Variants in SNRPN observed in about 807,000 individuals in gnomAD.
SNRPN encodes the protein small nuclear ribonucleoprotein polypeptide N.
Under a neutral mutation model 25.2 loss-of-function variants are expected in SNRPN, and 7 were observed. The observed-to-expected ratio is 0.28, with a 90% confidence interval of 0.16 to 0.52. SNRPN has a LOEUF of 0.52. Among genes scored for constraint, SNRPN ranks in the 20% least tolerant of loss-of-function variants. The pLI is 0.96. For synonymous variants in SNRPN, 124 were observed against 110.6 expected (o/e 1.12, Z -0.76); for missense variants, 196 against 322.5 (o/e 0.61, Z 3.00).
At position 24,905,003 on chromosome 15, in the gene SNRPN, C is replaced by T. The variant is rs539095623; in HGVS notation, c.-504-15008C>T. Among the ~76,000 whole-genome samples the T allele has an allele frequency of 2.3e-3, 337 of 148,282 alleles. 2 individuals carry two copies. Among genetic ancestry groups the T allele is most frequent in the Non-Finnish European group, 4.1e-3 (274 of 67,562 alleles). ...TGGCATGTGCCTGTAATCCTAGCTA[C>T]TTGGGAGGCTGAGGCAGGAGAATCG... On this transcript the variant is annotated intron_variant, in intron 2 of 11. Coordinates refer to the SNRPN transcript ENST00000400097.
chr15:24,867,178 A>G (rs1447623455), intron 1 of SNRPN, among the ~76,000 whole-genome samples: 1 of 152,036 alleles, frequency 6.6e-6, no homozygotes, highest in Non-Finnish European at 1.5e-5. Flanking sequence ...TGGTAGTTCT[A>G]TTTTTAATTT....
At chr15:24,870,916 T>A (rs192803312) in intron 1 of SNRPN, among the ~76,000 whole-genome samples, 173 of 151,908 alleles carry the variant, frequency 1.1e-3, no homozygotes, top group Non-Finnish European at 1.9e-3. Context: ...AGTCTCACTC[T>A]GTCACCCAGC....
At chr15:24,909,158 T>G (rs998511219) in intron 2 of SNRPN, 6 of 1,391,424 alleles carry the variant, frequency 4.3e-6, no homozygotes, top group Non-Finnish European at 5.1e-6. Flanking sequence ...TTGAGAGAAC[T>G]GTTTCTTGTA....
At chr15:24,918,572 GTATATATATAACATAATA>G (rs1566909271) in intron 2 of SNRPN, among the ~76,000 whole-genome samples, 1 of 81,644 alleles carries the variant, frequency 1.2e-5, no homozygotes. Context: ...TAATATATAT[GTATATATATAACATAATA>G]TATATGTATA....
At chr15:24,857,384 T>C (rs918991993) in intron 1 of SNRPN, among the ~76,000 whole-genome samples, 1 of 152,214 alleles carries the variant, frequency 6.6e-6, no homozygotes, top group African/African-American at 2.4e-5. Context: ...TATTTTTTTC[T>C]TACTATTTGA....
intron 5 of SNRPN, 107 bp downstream of exon 5, chr15:24,975,616 T>G (rs1260864039): frequency 4.6e-6 from 4 of 875,528 alleles, no homozygotes; most frequent in Middle Eastern, 3.5e-4. Flanking sequence ...TTAGGGAAAC[T>G]ATGGTAGAGC....
At chr15:24,903,762 G>A (rs142803543) in intron 2 of SNRPN, among the ~76,000 whole-genome samples, 24 of 152,278 alleles carry the variant, frequency 1.6e-4, no homozygotes, top group Middle Eastern at 3.4e-3. Flanking sequence ...GGCCAAGCGC[G>A]GTGGCTCACA....
chr15:24,943,698 A>T (rs2061700860), intron 3 of SNRPN, among the ~76,000 whole-genome samples: 1 of 152,174 alleles, frequency 6.6e-6, no homozygotes, highest in African/African-American at 2.4e-5. Flanking sequence ...TACAGAGGAT[A>T]GCAGGGCTTT....
intron 2 of SNRPN, among the ~76,000 whole-genome samples, chr15:24,841,469 A>G (rs2051700203): frequency 6.6e-6 from 1 of 152,104 alleles, no homozygotes; most frequent in Admixed American, 6.6e-5. Flanking sequence ...AAACCTCCCA[A>G]TGTCATCCGT....
chr15:24,871,753 A>G (rs369634596), intron 1 of SNRPN, among the ~76,000 whole-genome samples: 31 of 149,894 alleles, frequency 2.1e-4, no homozygotes, highest in East Asian at 7.9e-4. Context: ...TGCCCAGGCT[A>G]GAGTGCAGTG....
intron 3 of SNRPN, among the ~76,000 whole-genome samples, chr15:24,939,630 A>G (rs1346301060): frequency 2.6e-5 from 4 of 152,082 alleles, no homozygotes; most frequent in African/African-American, 7.2e-5. Context: ...ACGGGGTTTC[A>G]CCGTGTTAAC....
intron 1 of SNRPN, among the ~76,000 whole-genome samples, chr15:24,885,572 T>C (rs1220075878): frequency 6.6e-6 from 1 of 152,222 alleles, no homozygotes; most frequent in Non-Finnish European, 1.5e-5. Context: ...ATTTTGCTAC[T>C]CTCTGTTTTC....
intron 2 of SNRPN, among the ~76,000 whole-genome samples, chr15:24,910,475 A>G (rs1313426920): frequency 6.7e-6 from 1 of 150,166 alleles, no homozygotes; most frequent in Non-Finnish European, 1.5e-5. Flanking sequence ...ATCCCATCTC[A>G]AAAAAAAATG....
intron 1 of SNRPN, among the ~76,000 whole-genome samples, chr15:24,867,489 C>T (rs1262364656): frequency 1.3e-5 from 2 of 152,000 alleles, no homozygotes; most frequent in Non-Finnish European, 2.9e-5. Context: ...ATTCTCCTGC[C>T]TCAGCCTCCC....
chr15:24,873,653 T>G (rs1285823724), intron 1 of SNRPN, among the ~76,000 whole-genome samples: 1 of 152,014 alleles, frequency 6.6e-6, no homozygotes, highest in Non-Finnish European at 1.5e-5. Flanking sequence ...TTCACCGTGT[T>G]AGCCAGGATG....
At chr15:24,882,833 A>T (rs148634215) in intron 1 of SNRPN, among the ~76,000 whole-genome samples, 47,139 of 119,304 alleles carry the variant, frequency 0.4, 10,889 homozygotes, top group East Asian at 0.6. Flanking sequence ...CAAAAAAAAA[A>T]ATATATATAT....
chr15:24,868,064 T>G (rs1441903502), intron 1 of SNRPN, among the ~76,000 whole-genome samples: 1 of 152,024 alleles, frequency 6.6e-6, no homozygotes, highest in African/African-American at 2.4e-5. Flanking sequence ...ATTTATTTGA[T>G]GAGGTATTCT....
rs2147939272 is a variant in SNRPN, at chr15:24,864,217, A to T, written c.-579+7501A>T. Among the ~76,000 whole-genome samples the T allele has an allele frequency of 1.5e-5, 2 of 137,686 alleles. 1 individual carries two copies. Among genetic ancestry groups the T allele is most frequent in the East Asian group, 4.3e-4 (2 of 4,626 alleles). 90.3% of individuals were successfully genotyped at this position (137,686 alleles called of 152,430 possible). On this transcript the variant is annotated intron_variant, in intron 1 of 11. Transcript: ENST00000400097. ...AATTTTTTTTGTATTTTTAGTAGAG[A>T]CGGGGTTTCACCATGTTAGCCAGGA...
At chr15:24,857,257 T>G (rs930124688) in intron 1 of SNRPN, among the ~76,000 whole-genome samples, 7 of 152,220 alleles carry the variant, frequency 4.6e-5, no homozygotes, top group Admixed American at 2.0e-4. Context: ...TCATGTTGTT[T>G]GCTTTTCTCC....
Sources: gnomAD v4.1 joint callset for allele counts (sites outside exome capture counted in the v4.1 genomes callset) on GRCh38, gnomAD v4.1.1 for gene constraint, MANE v1.5 for transcripts, NCBI Gene and HGNC (gene_info 2026-07-23, HGNC 2026-07-21) for gene names.